OXR1: variants seen among roughly 807,000 people sequenced by gnomAD.
OXR1 encodes the protein oxidation resistance protein 1.
OXR1 carries 41 observed loss-of-function variants against 104.6 expected under a neutral mutation model. The ratio of observed to expected loss-of-function variants is 0.39; its 90% CI spans 0.31 to 0.51. The LOEUF is 0.51. Among genes scored for constraint, OXR1 ranks in the 20% least tolerant of loss-of-function variants. The pLI is 0.77. For missense variants in OXR1, 955 were observed against 1,031.9 expected (o/e 0.93, Z 1.02); for synonymous variants, 348 against 348.4 (o/e 1.00, Z 0.01).
At chr8:106,402,248 C>T (rs1314027546) in intron 2 of OXR1, among the ~76,000 whole-genome samples, 1 of 152,214 alleles carries the variant, frequency 6.6e-6, no homozygotes, top group Non-Finnish European at 1.5e-5. Flanking sequence ...GAAATCACCA[C>T]CCCTGCATCC....
chr8:106,735,707 G>A (rs894390767), intron 11 of OXR1, among the ~76,000 whole-genome samples: 7 of 151,962 alleles, frequency 4.6e-5, no homozygotes, highest in African/African-American at 1.7e-4. Flanking sequence ...CTAGAGACCT[G>A]TTTTGCTGGG....
At chr8:106,497,013 G>A (rs918612926) in intron 2 of OXR1, among the ~76,000 whole-genome samples, 3 of 152,168 alleles carry the variant, frequency 2.0e-5, no homozygotes, top group African/African-American at 4.8e-5. Flanking sequence ...TTCTGGGCAC[G>A]GGAGGAAAGC....
intron 1 of OXR1, among the ~76,000 whole-genome samples, chr8:106,282,598 G>A (rs1812334041): frequency 6.6e-6 from 1 of 152,122 alleles, no homozygotes; most frequent in Non-Finnish European, 1.5e-5. Flanking sequence ...TTAAAAGAAA[G>A]TAAACTAGAG....
At chr8:106,705,614 C>T (rs772159935) in intron 8 of OXR1, among the ~76,000 whole-genome samples, 19 of 152,080 alleles carry the variant, frequency 1.2e-4, no homozygotes, top group Non-Finnish European at 2.4e-4. Flanking sequence ...TTCTTGTAAC[C>T]ATCATTTTAA....
chr8:106,300,427 G>C (rs890818632), intron 1 of OXR1, among the ~76,000 whole-genome samples: 6 of 151,784 alleles, frequency 4.0e-5, no homozygotes, highest in Non-Finnish European at 8.8e-5. Context: ...TCCAATGAGT[G>C]GCCTAAAAGA....
At chr8:106,562,097 G>A (rs1816727279) in intron 3 of OXR1, among the ~76,000 whole-genome samples, 1 of 151,960 alleles carries the variant, frequency 6.6e-6, no homozygotes, top group Non-Finnish European at 1.5e-5. Flanking sequence ...TCACCAGCAG[G>A]GGAACAAAAC....
At chr8:106,668,561 A>C (rs1012387158) in intron 3 of OXR1, among the ~76,000 whole-genome samples, 2 of 152,202 alleles carry the variant, frequency 1.3e-5, no homozygotes, top group African/African-American at 2.4e-5. Context: ...AGAGCTAAGA[A>C]GTACAATTTT....
At position 106,706,788 on chromosome 8, in the gene OXR1, G is replaced by A; in HGVS notation, c.1267G>A (p.Glu423Lys). ...AAATAATCTTGAAATGGCCATTAAG[G>A]AAGATCAGATTGCAGATAACTTTCA... The part of the protein sequence containing the change: ...DLNNLEMAIK[E>K]DQIADNFQGI... The change falls in exon 9 of 17, where the codon GAA (glutamate) becomes AAA (lysine). Residue 423 changes from glutamate to lysine, a missense_variant. Around this residue, in one of 2 missense-constraint regions of OXR1, gnomAD observed 849 missense variants for 852.9 expected, o/e 1.00. Coordinates refer to ENST00000517566, the MANE Select transcript of OXR1 (RefSeq NM_001198533.2). The A allele has an allele frequency of 6.2e-7, 1 of 1,612,702 alleles. No individual in the cohort carries two copies. Among genetic ancestry groups the A allele is most frequent in the South Asian group, 1.1e-5 (1 of 90,600 alleles).
At chr8:106,330,643 C>G (rs1009093660) in intron 1 of OXR1, among the ~76,000 whole-genome samples, 6 of 152,148 alleles carry the variant, frequency 3.9e-5, no homozygotes, top group Non-Finnish European at 7.3e-5. Context: ...TTAAGAACTT[C>G]TTCTAGATTA....
intron 16 of OXR1, among the ~76,000 whole-genome samples, chr8:106,748,172 G>A (rs1406549402): frequency 6.6e-6 from 1 of 152,114 alleles, no homozygotes; most frequent in East Asian, 1.9e-4. Flanking sequence ...ATTTATCTCT[G>A]TATTTTCCAG....
At chr8:106,591,019 G>A (rs539467852) in intron 3 of OXR1, among the ~76,000 whole-genome samples, 1 of 152,120 alleles carries the variant, frequency 6.6e-6, no homozygotes, top group East Asian at 1.9e-4. Context: ...CTGGTGAAGG[G>A]AAGGTAAAGG....
chr8:106,348,026 G>T (rs1815568906), intron 1 of OXR1, among the ~76,000 whole-genome samples: 1 of 152,144 alleles, frequency 6.6e-6, no homozygotes, highest in Admixed American at 6.5e-5. Flanking sequence ...ATTAAAGTGG[G>T]TATTGATTTT....
At chr8:106,660,614 C>T (rs552937844) in intron 3 of OXR1, among the ~76,000 whole-genome samples, 10 of 152,232 alleles carry the variant, frequency 6.6e-5, no homozygotes, top group Middle Eastern at 3.4e-3. Flanking sequence ...AACCCAACAT[C>T]GGAGGAGTTA....
intron 3 of OXR1, chr8:106,657,648 C>G (rs1246457978): frequency 5.2e-6 from 1 of 192,690 alleles, no homozygotes; most frequent in Non-Finnish European, 1.0e-5. Context: ...ACCCGTCCAG[C>G]TTGCTTAAAA....
intron 2 of OXR1, among the ~76,000 whole-genome samples, chr8:106,370,234 T>C (rs1315868210): frequency 6.6e-6 from 1 of 152,226 alleles, no homozygotes; most frequent in Non-Finnish European, 1.5e-5. Flanking sequence ...CTTTTGATTT[T>C]TGCAGATTGG....
rs540811627 is a variant in OXR1, at chr8:106,283,007, C to CT, written c.-139+12643dup. 3.4e-3 allele frequency among the ~76,000 whole-genome samples: 522 copies of CT among 152,270 alleles called. 7 individuals are homozygous for CT. Among genetic ancestry groups the CT allele is most frequent in the African/African-American group, 0.012 (495 of 41,558 alleles). ...GATTCGTAGATGAAGAACCTAAAAT[C>CT]TTTCTTTGATTCCTCCCAGTAGTAA... On this transcript the variant is annotated intron_variant, in intron 1 of 16. Coordinates refer to ENST00000517566, the MANE Select transcript of OXR1 (RefSeq NM_001198533.2).
At chr8:106,463,886 A>G (rs1330625222) in intron 2 of OXR1, among the ~76,000 whole-genome samples, 3 of 152,096 alleles carry the variant, frequency 2.0e-5, no homozygotes, top group Non-Finnish European at 4.4e-5. Context: ...CCTGAGCTCT[A>G]AGCCTGACTT....
intron 2 of OXR1, among the ~76,000 whole-genome samples, chr8:106,450,703 T>C (rs1332977319): frequency 6.6e-6 from 1 of 151,504 alleles, no homozygotes; most frequent in Admixed American, 6.6e-5. Flanking sequence ...CTCTTGAGCA[T>C]AGGAGTATGA....
At chr8:106,300,364 T>C (rs1813178400) in intron 1 of OXR1, among the ~76,000 whole-genome samples, 1 of 152,096 alleles carries the variant, frequency 6.6e-6, no homozygotes, top group Admixed American at 6.5e-5. Context: ...ACCTAAGATT[T>C]ATACTTCAGC....
Sources: allele counts gnomAD v4.1 joint callset (sites outside exome capture counted in the v4.1 genomes callset), GRCh38; gene constraint gnomAD v4.1.1; regional missense constraint gnomAD v4.1.1; transcripts MANE v1.5; gene names NCBI Gene and HGNC (gene_info 2026-07-23, HGNC 2026-07-21).